SNX7: variants seen among roughly 807,000 people sequenced by gnomAD.
SNX7 encodes sorting nexin 7, also known as sorting nexin-7.
In SNX7, 35 loss-of-function variants were observed where a neutral mutation model predicts 48.4. That is an observed-to-expected ratio of 0.72 (90% confidence interval 0.55 to 0.96). The LOEUF (loss-of-function observed/expected upper bound fraction) is 0.96. SNX7 is among the 40% of genes least tolerant of loss of function. SNX7 has a pLI of 0.00. For missense variants in SNX7, 553 were observed against 548.9 expected (o/e 1.01, Z -0.07); for synonymous variants, 190 against 190.2 (o/e 1.00, Z 0.01).
intron 7 of SNX7, among the ~76,000 whole-genome samples, chr1:98,716,971 AAG>A (rs1652625086): frequency 6.6e-6 from 1 of 152,028 alleles, no homozygotes; most frequent in Non-Finnish European, 1.5e-5. Context: ...TCAAAGCAAA[AAG>A]GAATAAAAGT....
chr1:98,738,514 G>A, intron 8 of SNX7, 125 bp downstream of exon 8: 1 of 899,366 alleles, frequency 1.1e-6, no homozygotes, highest in East Asian at 2.7e-5. Context: ...CTGGTAGCTT[G>A]GTTTTGATGA....
At chr1:98,686,445 C>T (rs1350184778) in intron 2 of SNX7, among the ~76,000 whole-genome samples, 2 of 152,114 alleles carry the variant, frequency 1.3e-5, no homozygotes, top group African/African-American at 4.8e-5. Flanking sequence ...CAGTAATTGC[C>T]ATCTACCTGT....
intron 1 of SNX7, 94 bp from the exon 2 acceptor site, chr1:98,684,791 G>T: frequency 1.1e-6 from 1 of 898,544 alleles, no homozygotes; most frequent in South Asian, 3.6e-5. Flanking sequence ...AATCCCTTTT[G>T]TTCTTGATAT....
intron 1 of SNX7, among the ~76,000 whole-genome samples, chr1:98,665,261 A>G (rs1293856414): frequency 6.6e-6 from 1 of 152,188 alleles, no homozygotes; most frequent in Admixed American, 6.5e-5. Flanking sequence ...CATCACCACT[A>G]GTCATCTTTG....
intron 7 of SNX7, among the ~76,000 whole-genome samples, chr1:98,714,228 A>C (rs1044898393): frequency 2.0e-5 from 3 of 152,184 alleles, no homozygotes; most frequent in Non-Finnish European, 4.4e-5. Flanking sequence ...TAGTGTTTTC[A>C]TTTTATAAGC....
At chr1:98,690,494 T>C (rs2100951339) in intron 2 of SNX7, among the ~76,000 whole-genome samples, 1 of 152,232 alleles carries the variant, frequency 6.6e-6, no homozygotes. Flanking sequence ...AGGAAGATTT[T>C]CTTTTCACAT....
At chr1:98,724,479 C>A (rs1460543109) in intron 7 of SNX7, among the ~76,000 whole-genome samples, 1 of 151,584 alleles carries the variant, frequency 6.6e-6, no homozygotes, top group East Asian at 1.9e-4. Context: ...TAACTCTTTT[C>A]ATAATGTATT....
intron 7 of SNX7, among the ~76,000 whole-genome samples, chr1:98,730,014 C>T (rs921248363): frequency 3.3e-5 from 5 of 152,050 alleles, no homozygotes; most frequent in South Asian, 2.1e-4. Context: ...TCCTCAGTAA[C>T]ATACTGGCAA....
At chr1:98,680,938 C>T (rs1382123987) in intron 1 of SNX7, among the ~76,000 whole-genome samples, 3 of 152,212 alleles carry the variant, frequency 2.0e-5, no homozygotes, top group African/African-American at 7.2e-5. Flanking sequence ...GTTGCTTCCA[C>T]ATTTTCAGGT....
chr1:98,714,517 A>G lies in SNX7; in HGVS notation c.1125+12614A>G, dbSNP rs1348447411. Among the ~76,000 whole-genome samples the G allele has an allele frequency of 7.2e-5, 11 of 152,192 alleles. No individual in the cohort carries two copies. In the East Asian group the frequency reaches 2.1e-3, roughly 29 times the overall value. ...ATAATTTTAGACTGTGATTAGTGCTATAAAGAGAATAAAACAGGGTAACAT... is the reference window on the plus strand; with the variant it reads ...ATAATTTTAGACTGTGATTAGTGCTGTAAAGAGAATAAAACAGGGTAACAT... On this transcript the variant is annotated intron_variant, in intron 7 of 8. Transcript: ENST00000306121.
At chr1:98,722,087 AGG>A (rs1421518918) in intron 7 of SNX7, among the ~76,000 whole-genome samples, 1 of 151,978 alleles carries the variant, frequency 6.6e-6, no homozygotes, top group Non-Finnish European at 1.5e-5. Context: ...TCATGATTTG[AGG>A]GATGTTAATG....
chr1:98,667,691 G>A (rs1258690979), intron 1 of SNX7, among the ~76,000 whole-genome samples: 2 of 151,840 alleles, frequency 1.3e-5, no homozygotes, highest in African/African-American at 2.4e-5. Flanking sequence ...CCAGGAGTAG[G>A]GACTCTAACT....
intron 1 of SNX7, among the ~76,000 whole-genome samples, chr1:98,669,826 A>G (rs1384370397): frequency 6.6e-6 from 1 of 152,202 alleles, no homozygotes; most frequent in Non-Finnish European, 1.5e-5. Context: ...TGTGCTCTCC[A>G]TACTAGTGTT....
chr1:98,675,224 C>T (rs1650096211), intron 1 of SNX7, among the ~76,000 whole-genome samples: 1 of 152,116 alleles, frequency 6.6e-6, no homozygotes, highest in Admixed American at 6.6e-5. Flanking sequence ...TTCCCAAACA[C>T]TTATTTTCTT....
At chr1:98,738,855 A>G (rs1242773254) in intron 8 of SNX7, among the ~76,000 whole-genome samples, 1 of 150,386 alleles carries the variant, frequency 6.6e-6, no homozygotes, top group Non-Finnish European at 1.5e-5. Flanking sequence ...ATTGTATTTC[A>G]ATTTTTTTAC....
intron 7 of SNX7, among the ~76,000 whole-genome samples, chr1:98,728,142 G>T (rs972943395): frequency 6.6e-6 from 1 of 152,090 alleles, no homozygotes. Flanking sequence ...AGAGAGAAAG[G>T]CCAGGTCACC....
At chr1:98,727,290 CCTGA>C (rs1360298141) in intron 7 of SNX7, among the ~76,000 whole-genome samples, 2 of 152,112 alleles carry the variant, frequency 1.3e-5, no homozygotes, top group East Asian at 1.9e-4. Flanking sequence ...AGAAGAGAGG[CCTGA>C]CTGTTAAAAG....
At chr1:98,691,775 T>G in intron 4 of SNX7, 76 bp downstream of exon 4, 1 of 1,220,618 alleles carries the variant, frequency 8.2e-7, no homozygotes, top group Middle Eastern at 2.1e-4. Context: ...TCCTCTTGTT[T>G]ACCGTTACAA....
At chr1:98,729,509 A>T (rs1310843593) in intron 7 of SNX7, among the ~76,000 whole-genome samples, 8 of 144,346 alleles carry the variant, frequency 5.5e-5, no homozygotes, top group Non-Finnish European at 1.2e-4. Flanking sequence ...TTTTTTTTGA[A>T]AAATTAATAT....
Sources: allele counts gnomAD v4.1 joint callset (sites outside exome capture counted in the v4.1 genomes callset), GRCh38; gene constraint gnomAD v4.1.1; transcripts MANE v1.5; gene names NCBI Gene and HGNC (gene_info 2026-07-23, HGNC 2026-07-21).